The following INSYN2B variants were observed in gnomAD, a reference collection of about 807,000 sequenced individuals.
INSYN2B encodes the protein inhibitory synaptic factor family member 2B.
In INSYN2B, 16 loss-of-function variants were observed where a neutral mutation model predicts 41.2. The ratio of observed to expected loss-of-function variants is 0.39; its 90% CI spans 0.26 to 0.59. The LOEUF is 0.59. INSYN2B is among the 20% of genes least tolerant of loss of function. The pLI is 0.57. For synonymous variants in INSYN2B, 245 were observed against 244.4 expected (o/e 1.00, Z -0.02); for missense variants, 608 against 646.4 (o/e 0.94, Z 0.64).
At position 169,923,483 on chromosome 5, in the gene INSYN2B, G is replaced by GCACA. The variant is rs34053722; in HGVS notation, c.-918-38671_-918-38668dup. On this transcript the variant is annotated intron_variant, in intron 1 of 3. Transcript: ENST00000377365. ...CATGCGTGCGTGTGCATGCACGTGG[G>GCACA]CACACACACACACACACACACACAC... Among the ~76,000 whole-genome samples the GCACA allele has an allele frequency of 5.9e-3, 879 of 148,918 alleles. 10 individuals are homozygous for GCACA. Among genetic ancestry groups the GCACA allele is most frequent in the African/African-American group, 0.02 (820 of 40,596 alleles).
intron 1 of INSYN2B, among the ~76,000 whole-genome samples, chr5:169,977,628 C>T (rs905624724): frequency 6.6e-6 from 1 of 152,126 alleles, no homozygotes; most frequent in Non-Finnish European, 1.5e-5. Context: ...GCTCCTAAGC[C>T]CCCACTCTCA....
At chr5:169,870,547 A>G (rs186663445) in intron 3 of INSYN2B, among the ~76,000 whole-genome samples, 2 of 152,188 alleles carry the variant, frequency 1.3e-5, no homozygotes, top group Non-Finnish European at 2.9e-5. Flanking sequence ...TTGAATTTGC[A>G]AAGTATTTTA....
intron 1 of INSYN2B, among the ~76,000 whole-genome samples, chr5:169,943,672 TCTC>T (rs1377212245): frequency 6.6e-6 from 1 of 152,156 alleles, no homozygotes; most frequent in Non-Finnish European, 1.5e-5. Flanking sequence ...GGGCAGTGGT[TCTC>T]AAGGTGTGGT....
chr5:169,958,940 T>C (rs1776971380), intron 1 of INSYN2B, among the ~76,000 whole-genome samples: 1 of 152,224 alleles, frequency 6.6e-6, no homozygotes, highest in Non-Finnish European at 1.5e-5. Context: ...AACTCATAGT[T>C]GGCTAAGGAA....
intron 1 of INSYN2B, among the ~76,000 whole-genome samples, chr5:169,948,147 C>A (rs146900580): frequency 1.5e-4 from 23 of 152,198 alleles, no homozygotes; most frequent in African/African-American, 5.5e-4. Flanking sequence ...GTGAAAATTT[C>A]ATCCAACCTC....
At chr5:169,872,169 T>C (rs2113462227) in intron 3 of INSYN2B, among the ~76,000 whole-genome samples, 1 of 152,364 alleles carries the variant, frequency 6.6e-6, no homozygotes, top group East Asian at 1.9e-4. Context: ...GGAACATTTC[T>C]GTGGTCCCTG....
intron 1 of INSYN2B, among the ~76,000 whole-genome samples, chr5:169,912,814 G>A (rs2113625188): frequency 6.6e-6 from 1 of 152,076 alleles, no homozygotes; most frequent in Admixed American, 6.6e-5. Context: ...CCAGAGTGTT[G>A]AGATTTTTTT....
chr5:169,932,101 G>A (rs1775782219), intron 1 of INSYN2B, among the ~76,000 whole-genome samples: 1 of 152,156 alleles, frequency 6.6e-6, no homozygotes, highest in African/African-American at 2.4e-5. Flanking sequence ...ATCCAGTGGC[G>A]ATAACTGCTA....
intron 1 of INSYN2B, among the ~76,000 whole-genome samples, chr5:169,978,112 C>T (rs897865501): frequency 3.3e-5 from 5 of 152,062 alleles, no homozygotes; most frequent in Admixed American, 3.3e-4. Context: ...TGGTCGTGCG[C>T]ATTATTTGAA....
intron 1 of INSYN2B, among the ~76,000 whole-genome samples, chr5:169,955,255 A>G (rs1332429232): frequency 6.6e-6 from 1 of 152,138 alleles, no homozygotes; most frequent in African/African-American, 2.4e-5. Flanking sequence ...GGGACCACAC[A>G]GGACAGAAGG....
At chr5:169,889,584 C>T (rs886584890) in intron 1 of INSYN2B, among the ~76,000 whole-genome samples, 4 of 152,194 alleles carry the variant, frequency 2.6e-5, no homozygotes, top group Non-Finnish European at 5.9e-5. Context: ...GGGTGCTTTA[C>T]GTGTTAACTG....
chr5:169,975,267 T>C lies in INSYN2B; in HGVS notation c.-919+5010A>G, dbSNP rs115846247. ...CTAGGAACAACTCCAGTCTAGTGCC[T>C]TGGAGATGGGCTGGTGTAGAAAGAC... On this transcript the variant is annotated intron_variant, in intron 1 of 3. Transcript: ENST00000377365. Among the ~76,000 whole-genome samples the C allele has an allele frequency of 3.3e-3, 498 of 152,344 alleles. 1 individual carries two copies. Among genetic ancestry groups the C allele is most frequent in the African/African-American group, 0.011 (446 of 41,584 alleles).
chr5:169,952,327 G>A (rs1004283428), intron 1 of INSYN2B, among the ~76,000 whole-genome samples: 26 of 152,214 alleles, frequency 1.7e-4, no homozygotes, highest in African/African-American at 6.0e-4. Context: ...CATTGGGTAT[G>A]TAAAAATCAA....
chr5:169,903,523 G>A (rs1332337815), intron 1 of INSYN2B, among the ~76,000 whole-genome samples: 6 of 151,656 alleles, frequency 4.0e-5, no homozygotes, highest in East Asian at 2.0e-4. Context: ...AGGAGCCAGC[G>A]GGGGCCGGGG....
chr5:169,878,533 A>G (rs1772456933), intron 3 of INSYN2B, among the ~76,000 whole-genome samples: 1 of 152,214 alleles, frequency 6.6e-6, no homozygotes, highest in African/African-American at 2.4e-5. Context: ...TGAAACTGAG[A>G]CCTGCTCTTT....
At chr5:169,918,298 G>C (rs1774983802) in intron 1 of INSYN2B, among the ~76,000 whole-genome samples, 1 of 152,138 alleles carries the variant, frequency 6.6e-6, no homozygotes, top group East Asian at 1.9e-4. Flanking sequence ...GTTGTGGTTT[G>C]AGTAATAAAT....
intron 1 of INSYN2B, among the ~76,000 whole-genome samples, chr5:169,902,390 T>A (rs1773977123): frequency 6.6e-6 from 1 of 152,152 alleles, no homozygotes; most frequent in African/African-American, 2.4e-5. Flanking sequence ...ACAAAGAAGT[T>A]TAGTGATTTT....
rs1360972069 is a variant in INSYN2B, at chr5:169,864,355, G to A, written c.1526C>T (p.Pro509Leu). 1 of 1,551,442 alleles carries A rather than the reference G, an allele frequency of 6.4e-7. No individual in the cohort carries two copies. The highest frequency in any genetic ancestry group is 8.7e-7 in the Non-Finnish European group (1 of 1,146,904). Residue 509 changes from proline to leucine, a missense_variant, in exon 4 of 4, where the codon CCA becomes CTA. Transcript: ENST00000377365. ...VEEASPPPKS[P>L]AEPPAPEKQD... Reference sequence around the variant, plus strand: ...CTTTTCCGGGGCTGGGGGTTCTGCTGGGGACTTTGGTGGGGGCGATGCCTC... The same window carrying A: ...CTTTTCCGGGGCTGGGGGTTCTGCTAGGGACTTTGGTGGGGGCGATGCCTC...
At chr5:169,939,218 A>T (rs1270873277) in intron 1 of INSYN2B, among the ~76,000 whole-genome samples, 79 of 136,414 alleles carry the variant, frequency 5.8e-4, no homozygotes, top group African/African-American at 1.6e-3. Flanking sequence ...TTTTTTTTTT[A>T]AACTTTTTAA....
Sources: gnomAD v4.1 joint callset for allele counts (sites outside exome capture counted in the v4.1 genomes callset) on GRCh38, gnomAD v4.1.1 for gene constraint, MANE v1.5 for transcripts, NCBI Gene and HGNC (gene_info 2026-07-23, HGNC 2026-07-21) for gene names.